MGAT4C: variants seen among roughly 807,000 people sequenced by gnomAD.
MGAT4C encodes the protein alpha-1,3-mannosyl-glycoprotein 4-beta-N-acetylglucosaminyltransferase C.
In MGAT4C, 19 loss-of-function variants were observed where a neutral mutation model predicts 40.1. The ratio of observed to expected loss-of-function variants is 0.47; its 90% CI spans 0.33 to 0.70. The LOEUF (loss-of-function observed/expected upper bound fraction) is 0.70, where lower values mean the gene tolerates loss of function less well. Among genes scored for constraint, MGAT4C ranks in the 30% least tolerant of loss-of-function variants. The probability of loss-of-function intolerance (pLI) is 0.02; values close to 1 mark genes in which losing one functional copy is unlikely to be tolerated. For synonymous variants in MGAT4C, 181 were observed against 187.1 expected, an observed-to-expected ratio of 0.97 and a Z score of 0.27; for missense variants, 491 against 563.2, an observed-to-expected ratio of 0.87 and a Z score of 1.30.
At chr12:86,721,085 A>C (rs1950728685) in intron 2 of MGAT4C, among the ~76,000 whole-genome samples, 1 of 152,150 alleles carries the variant, frequency 6.6e-6, no homozygotes, top group Non-Finnish European at 1.5e-5. Flanking sequence ...GTATGGGGCC[A>C]ATGTAGAATG....
chr12:85,971,011 T>C lies in MGAT4C; in HGVS notation c.*8278A>G, dbSNP rs1422063039. The C allele has an allele frequency of 6.6e-6, 1 of 151,162 alleles. No individual in the cohort carries two copies. Among genetic ancestry groups the C allele is most frequent in the African/African-American group, 2.4e-5 (1 of 41,354 alleles). The allele number at this position is 151,162 out of a possible 1,614,324, so 9.4% of individuals were successfully genotyped here. ...AAGTGAAATTATACCTTGTAAAATTTCATATTATGAGAGCAATATGTAAAT... is the reference window on the plus strand; with the variant it reads ...AAGTGAAATTATACCTTGTAAAATTCCATATTATGAGAGCAATATGTAAAT... On this transcript the variant is annotated 3_prime_UTR_variant, in exon 5 of 5. Transcript: ENST00000611864.
intron 1 of MGAT4C, among the ~76,000 whole-genome samples, chr12:86,067,416 A>C (rs1160115571): frequency 2.0e-5 from 3 of 152,212 alleles, no homozygotes; most frequent in Non-Finnish European, 4.4e-5. Context: ...AGGGACATGG[A>C]TGAAGCTGGA....
intron 1 of MGAT4C, among the ~76,000 whole-genome samples, chr12:86,070,968 G>A (rs879661390): frequency 6.6e-6 from 1 of 152,014 alleles, no homozygotes; most frequent in African/African-American, 2.4e-5. Flanking sequence ...GTAGAAGATT[G>A]TTCCTTATTC....
chr12:86,813,527 G>T, intron 1 of MGAT4C, among the ~76,000 whole-genome samples: 1 of 151,984 alleles, frequency 6.6e-6, no homozygotes, highest in East Asian at 1.9e-4. Context: ...CATATGCAAT[G>T]TATATGTGTT....
intron 4 of MGAT4C, among the ~76,000 whole-genome samples, chr12:86,270,379 C>A (rs1435966221): frequency 6.6e-6 from 1 of 152,124 alleles, no homozygotes; most frequent in Non-Finnish European, 1.5e-5. Flanking sequence ...CTGAGCCCAG[C>A]CCATAGTGGA....
intron 1 of MGAT4C, among the ~76,000 whole-genome samples, chr12:86,139,432 A>C (rs1882513093): frequency 6.6e-6 from 1 of 152,038 alleles, no homozygotes; most frequent in South Asian, 2.1e-4. Flanking sequence ...AATACTGTAT[A>C]TATTCTTCTA....
chr12:86,549,659 AACGTCAGCAAG>A (rs1565842257), intron 2 of MGAT4C, among the ~76,000 whole-genome samples: 1 of 152,242 alleles, frequency 6.6e-6, no homozygotes, highest in Non-Finnish European at 1.5e-5. Context: ...GTAGCTGAGT[AACGTCAGCAAG>A]ACGCCTCAGA....
chr12:86,094,523 C>A (rs1873535453), intron 1 of MGAT4C, among the ~76,000 whole-genome samples: 2 of 152,126 alleles, frequency 1.3e-5, no homozygotes, highest in African/African-American at 2.4e-5. Flanking sequence ...TTTTAAAAGA[C>A]AAAAGTATAT....
intron 1 of MGAT4C, among the ~76,000 whole-genome samples, chr12:86,066,208 A>G (rs1787649805): frequency 6.6e-6 from 1 of 152,150 alleles, no homozygotes; most frequent in African/African-American, 2.4e-5. Flanking sequence ...AGACAAAACT[A>G]CTTTAAATTT....
At chr12:86,581,834 T>G (rs537283617) in intron 2 of MGAT4C, among the ~76,000 whole-genome samples, 1 of 151,576 alleles carries the variant, frequency 6.6e-6, no homozygotes, top group Non-Finnish European at 1.5e-5. Context: ...TAAGTCAAGT[T>G]TTTAACAATT....
intron 4 of MGAT4C, among the ~76,000 whole-genome samples, chr12:86,303,341 C>T (rs1053963226): frequency 3.3e-5 from 5 of 150,552 alleles, no homozygotes; most frequent in Non-Finnish European, 5.9e-5. Context: ...TAGAATCTAA[C>T]AGCATTACTT....
chr12:86,306,931 C>A (rs1953947155), intron 4 of MGAT4C, among the ~76,000 whole-genome samples: 1 of 150,378 alleles, frequency 6.6e-6, no homozygotes, highest in African/African-American at 2.5e-5. Context: ...TTATGAAATT[C>A]TATTTTTCAG....
intron 2 of MGAT4C, among the ~76,000 whole-genome samples, chr12:86,606,062 T>C (rs1265629003): frequency 6.6e-6 from 1 of 151,956 alleles, no homozygotes; most frequent in African/African-American, 2.4e-5. Context: ...AAGTGCTAAG[T>C]GAAGGGGAAA....
chr12:86,296,569 A>G (rs1953683627), intron 4 of MGAT4C, among the ~76,000 whole-genome samples: 1 of 152,222 alleles, frequency 6.6e-6, no homozygotes, highest in Non-Finnish European at 1.5e-5. Flanking sequence ...GCTAAGGCCC[A>G]GCGAGAAATC....
intron 2 of MGAT4C, among the ~76,000 whole-genome samples, chr12:86,725,650 A>G (rs1247757334): frequency 6.6e-6 from 1 of 152,040 alleles, no homozygotes; most frequent in East Asian, 1.9e-4. Context: ...TTCAGTAGAG[A>G]TGGGATTTCA....
At chr12:86,362,240 G>A (rs999455250) in intron 3 of MGAT4C, among the ~76,000 whole-genome samples, 1 of 152,102 alleles carries the variant, frequency 6.6e-6, no homozygotes, top group African/African-American at 2.4e-5. Context: ...CGCAAGGACG[G>A]AAAACCAAAC....
chr12:86,472,229 A>G (rs1318652694), intron 2 of MGAT4C, among the ~76,000 whole-genome samples: 7 of 152,152 alleles, frequency 4.6e-5, no homozygotes, highest in Admixed American at 3.9e-4. Context: ...ACTGTAGGCC[A>G]TTTGAAGATT....
At chr12:86,129,036 A>C (rs889328934) in intron 1 of MGAT4C, among the ~76,000 whole-genome samples, 4 of 152,070 alleles carry the variant, frequency 2.6e-5, no homozygotes, top group Non-Finnish European at 4.4e-5. Context: ...CTATGTGCCT[A>C]CATTCACCTC....
At chr12:86,801,754 C>A (rs1040920282) in intron 1 of MGAT4C, among the ~76,000 whole-genome samples, 1 of 151,734 alleles carries the variant, frequency 6.6e-6, no homozygotes, top group Non-Finnish European at 1.5e-5. Context: ...TTTCCCATTC[C>A]CACACAGGAT....
Sources: gnomAD v4.1 joint callset for allele counts (sites outside exome capture counted in the v4.1 genomes callset) on GRCh38, gnomAD v4.1.1 for gene constraint, MANE v1.5 for transcripts, NCBI Gene and HGNC (gene_info 2026-07-23, HGNC 2026-07-21) for gene names.